MTREX: variants seen among roughly 807,000 people sequenced by gnomAD.
The protein encoded by MTREX is exosome RNA helicase MTR4.
MTREX carries 76 observed loss-of-function variants against 135.4 expected under a neutral mutation model. That is an observed-to-expected ratio of 0.56 (90% CI 0.47 to 0.68). The LOEUF (loss-of-function observed/expected upper bound fraction) is 0.68. Among genes scored for constraint, MTREX ranks in the 30% least tolerant of loss-of-function variants. The pLI is 0.00. For missense variants in MTREX, 920 were observed against 1,262.1 expected (o/e 0.73, Z 4.11); for synonymous variants, 404 against 401.6 (o/e 1.01, Z -0.07).
chr5:55,366,734 G>A lies in MTREX; in HGVS notation c.1669G>A (p.Asp557Asn). The A allele has an allele frequency of 1.3e-6, 2 of 1,584,992 alleles. No homozygotes were observed. Among genetic ancestry groups the A allele is most frequent in the East Asian group, 2.3e-5 (1 of 44,366 alleles). The change falls in exon 16 of 27, where the codon GAT becomes AAT. Residue 557 changes from aspartate (D) to asparagine (N), a missense_variant. Asp to Asn is a conservative substitution (Grantham distance 23, BLOSUM62 1). Transcript: ENST00000230640. ...IGKQLLKGSADPLNSAFHLTY... is the reference protein window; with the variant it reads ...IGKQLLKGSANPLNSAFHLTY... ...TTTTTTTCTCTCTTAGGGCTCCGCT[G>A]ATCCTCTAAATAGTGCTTTCCATTT... is the stretch of plus-strand genomic sequence containing the variant.
At chr5:55,396,620 T>G (rs1750650982) in intron 19 of MTREX, among the ~76,000 whole-genome samples, 1 of 152,238 alleles carries the variant, frequency 6.6e-6, no homozygotes, top group Non-Finnish European at 1.5e-5. Flanking sequence ...CCTTTCTACC[T>G]GTACTAGAAA....
chr5:55,397,384 A>G, intron 19 of MTREX, 32 bp from the exon 20 acceptor site: 1 of 1,386,924 alleles, frequency 7.2e-7, no homozygotes, highest in Non-Finnish European at 1.0e-6. Context: ...GTGCAAATTT[A>G]ACTGTAATAC....
At chr5:55,332,738 C>T (rs150794520) in intron 5 of MTREX, among the ~76,000 whole-genome samples, 5 of 152,300 alleles carry the variant, frequency 3.3e-5, no homozygotes, top group Admixed American at 6.5e-5. Context: ...TTCATGACCT[C>T]ATCACCTCTT....
At position 55,362,446 on chromosome 5, in the gene MTREX, C is replaced by T. The variant is rs556289815; in HGVS notation, c.1659+3748C>T. Among the ~76,000 whole-genome samples, 6 of 151,964 alleles carry T rather than the reference C, an allele frequency of 3.9e-5. No individual in the cohort carries two copies. In the South Asian group the frequency reaches 8.3e-4, roughly 21 times the overall value. Reference sequence around the variant, plus strand: ...TGTGATCTTGGCTCACTGCGACCTCCGCCTCCTGGGTTCAAGTGATTCTCC... The same window carrying T: ...TGTGATCTTGGCTCACTGCGACCTCTGCCTCCTGGGTTCAAGTGATTCTCC... On this transcript the variant is annotated intron_variant, in intron 15 of 26. Transcript: ENST00000230640.
intron 14 of MTREX, among the ~76,000 whole-genome samples, chr5:55,355,001 G>A (rs1749887295): frequency 6.6e-6 from 1 of 152,192 alleles, no homozygotes; most frequent in South Asian, 2.1e-4. Context: ...TTGGGCGAGG[G>A]AAGCTCTGAG....
chr5:55,418,016 G>C (rs544079024), intron 25 of MTREX, among the ~76,000 whole-genome samples: 3 of 151,314 alleles, frequency 2.0e-5, no homozygotes, highest in East Asian at 1.9e-4. Flanking sequence ...GGGCGGATCA[G>C]GAGGTCAGGA....
chr5:55,402,134 C>G (rs531312811), intron 21 of MTREX, among the ~76,000 whole-genome samples: 11 of 152,190 alleles, frequency 7.2e-5, no homozygotes, highest in Non-Finnish European at 1.6e-4. Context: ...TCCCTTCTAG[C>G]TTTTTGTGAA....
At chr5:55,404,745 C>G (rs1319457202) in intron 21 of MTREX, among the ~76,000 whole-genome samples, 1 of 151,820 alleles carries the variant, frequency 6.6e-6, no homozygotes, top group South Asian at 2.1e-4. Context: ...TCTCCTCCTT[C>G]TAGCCTTCCT....
chr5:55,347,012 G>A lies in MTREX; in HGVS notation c.1109-1G>A. 2 of 1,602,712 alleles carry A rather than the reference G, an allele frequency of 1.2e-6. No individual in the cohort carries two copies. Among genetic ancestry groups the A allele is most frequent in the East Asian group, 2.3e-5 (1 of 44,270 alleles). ...TGGTGTGTTGTTTACTGTTTTTGCAGGACCATCAAATGTTTTCAAAATTGT... is the reference window on the plus strand; with the variant it reads ...TGGTGTGTTGTTTACTGTTTTTGCAAGACCATCAAATGTTTTCAAAATTGT... On this transcript the variant is annotated splice_acceptor_variant, in intron 10 of 26. Coordinates refer to ENST00000230640, the MANE Select transcript of MTREX (RefSeq NM_015360.5). LOFTEE classifies it high-confidence loss of function.
rs759069330 is a variant in MTREX at position 55,397,566 on chromosome 5, A to T, written c.2292+40A>T. ...CATAAGTTAAGTATAAATTTTATGT[A>T]AATACAGGTAGTGTTTATAAAGAGG... On this transcript the variant is annotated intron_variant, in intron 20 of 26. Transcript: ENST00000230640. 5 of 1,324,318 alleles carry T rather than the reference A, an allele frequency of 3.8e-6. No homozygotes were observed. In the East Asian group the frequency reaches 1.2e-4, roughly 32 times the overall value. The allele number at this position is 1,324,318 out of a possible 1,614,324, so 82.0% of individuals were successfully genotyped here.
rs75166475 is a variant in MTREX, at chr5:55,401,426, T to C, written c.2481+1005T>C. 5.1e-3 allele frequency among the ~76,000 whole-genome samples: 771 copies of C among 152,338 alleles called. 3 individuals carry two copies. The highest frequency in any genetic ancestry group is 0.018 in the African/African-American group (743 of 41,582). ...AGGACATTTGTTTTTTTCTAACTTT[T>C]TGGCTCTGATGAATAATGCTGCTGT... On this transcript the variant is annotated intron_variant, in intron 21 of 26. Coordinates refer to ENST00000230640, the MANE Select transcript of MTREX (RefSeq NM_015360.5).
intron 22 of MTREX, among the ~76,000 whole-genome samples, 172 bp from the exon 23 acceptor site, chr5:55,410,352 T>C (rs577514489): frequency 1.3e-5 from 2 of 151,008 alleles, no homozygotes; most frequent in Non-Finnish European, 2.9e-5. Context: ...ATATAATATA[T>C]TGGTAATTAT....
chr5:55,391,554 A>G (rs1302433808), intron 19 of MTREX, among the ~76,000 whole-genome samples: 1 of 152,210 alleles, frequency 6.6e-6, no homozygotes, highest in Non-Finnish European at 1.5e-5. Context: ...ATTATTTTTC[A>G]AAAACTCAGA....
chr5:55,363,328 A>G lies in MTREX; in HGVS notation c.1660-3397A>G, dbSNP rs150972748. Among the ~76,000 whole-genome samples, 204 of 152,350 alleles carry G rather than the reference A, an allele frequency of 1.3e-3. 2 individuals are homozygous for G. In the Middle Eastern group the frequency reaches 0.024, roughly 18 times the overall value. Reference sequence around the variant, plus strand: ...AGAACTACTTGCCTAAATGAACCATATATTCTAAAATGTAAGAGATCATTA... The same window carrying G: ...AGAACTACTTGCCTAAATGAACCATGTATTCTAAAATGTAAGAGATCATTA... On this transcript the variant is annotated intron_variant, in intron 15 of 26. Coordinates refer to ENST00000230640, the MANE Select transcript of MTREX (RefSeq NM_015360.5).
intron 20 of MTREX, among the ~76,000 whole-genome samples, chr5:55,399,468 G>A (rs1408946379): frequency 3.9e-5 from 6 of 152,004 alleles, no homozygotes; most frequent in African/African-American, 1.4e-4. Flanking sequence ...TAAGCTAAAG[G>A]TCTCAGGACC....
intron 19 of MTREX, among the ~76,000 whole-genome samples, chr5:55,396,145 G>A (rs1482858904): frequency 2.0e-5 from 3 of 152,174 alleles, no homozygotes; most frequent in African/African-American, 7.2e-5. Flanking sequence ...CAAGTTTTCT[G>A]TAAACTTGGA....
chr5:55,328,619 G>C, intron 4 of MTREX, 80 bp from the exon 5 acceptor site: 2 of 894,048 alleles, frequency 2.2e-6, no homozygotes, highest in Non-Finnish European at 3.6e-6. Context: ...TTGGGGGGTA[G>C]CCTGCTTGTG....
At chr5:55,376,996 G>A (rs1240055781) in intron 16 of MTREX, among the ~76,000 whole-genome samples, 3 of 151,838 alleles carry the variant, frequency 2.0e-5, no homozygotes, top group African/African-American at 7.3e-5. Context: ...ACTTAAACCT[G>A]TGAGGCTGAG....
chr5:55,424,232 C>CACCT (rs1031663610), intron 26 of MTREX: 1 of 152,628 alleles, frequency 6.6e-6, no homozygotes, highest in Non-Finnish European at 1.5e-5. Context: ...CCTCCACATC[C>CACCT]ACCTCCCAGG....
Sources: allele counts gnomAD v4.1 joint callset (sites outside exome capture counted in the v4.1 genomes callset), GRCh38; gene constraint gnomAD v4.1.1; transcripts MANE v1.5; gene names NCBI Gene and HGNC (gene_info 2026-07-23, HGNC 2026-07-21).